The following RBFOX1 variants were observed in gnomAD, a reference collection of about 807,000 sequenced individuals.
RBFOX1 encodes the protein RNA binding fox-1 homolog 1.
In RBFOX1, 8 loss-of-function variants were observed where a neutral mutation model predicts 57.7. The ratio of observed to expected loss-of-function variants is 0.14; its 90% confidence interval spans 0.08 to 0.25. RBFOX1 has a LOEUF of 0.25. Ranked by LOEUF, RBFOX1 falls within the 10% of genes least tolerant of loss-of-function variation. The pLI is 1.00. For synonymous variants in RBFOX1, 326 were observed against 222.4 expected (o/e 1.47, Z -4.15); for missense variants, 611 against 548.5 (o/e 1.11, Z -1.14).
chr16:6,946,856 G>C (rs1366573840), intron 3 of RBFOX1, among the ~76,000 whole-genome samples: 1 of 152,108 alleles, frequency 6.6e-6, no homozygotes, highest in Non-Finnish European at 1.5e-5. Context: ...CAATCCTCCT[G>C]CCTTGGCCTC....
intron 1 of RBFOX1, among the ~76,000 whole-genome samples, chr16:6,021,034 C>T (rs147883255): frequency 1.1e-3 from 160 of 152,278 alleles, no homozygotes; most frequent in African/African-American, 3.5e-3. Flanking sequence ...ATCTGGGGTG[C>T]GGCTACTGAA....
chr16:5,337,316 C>T (rs1226967948), intron 1 of RBFOX1, among the ~76,000 whole-genome samples: 1 of 152,132 alleles, frequency 6.6e-6, no homozygotes, highest in African/African-American at 2.4e-5. Flanking sequence ...GTGAGTTTTC[C>T]CAAAGACCGC....
At chr16:7,702,187 TTG>T (rs1288985096) in intron 14 of RBFOX1, among the ~76,000 whole-genome samples, 15 of 152,188 alleles carry the variant, frequency 9.9e-5, no homozygotes, top group African/African-American at 3.6e-4. Flanking sequence ...GAGATTTTGG[TTG>T]TGTGGTAAAT....
chr16:5,382,540 C>G (rs1013708481), intron 1 of RBFOX1, among the ~76,000 whole-genome samples: 1 of 152,096 alleles, frequency 6.6e-6, no homozygotes, highest in Non-Finnish European at 1.5e-5. Flanking sequence ...GATTTGCAAA[C>G]AGGACTCACC....
intron 3 of RBFOX1, among the ~76,000 whole-genome samples, chr16:7,014,374 G>T (rs2093800435): frequency 6.6e-6 from 1 of 151,068 alleles, no homozygotes; most frequent in African/African-American, 2.5e-5. Context: ...CACCACGCCT[G>T]GCTTTTTTTT....
Position 6,871,026 on chromosome 16 carries a change from A to G in RBFOX1, c.-15-181031A>G, listed in dbSNP as rs111492102. On this transcript the variant is annotated intron_variant, in intron 3 of 15. Coordinates refer to ENST00000550418, the MANE Select transcript of RBFOX1 (RefSeq NM_018723.4). ...AACAGATGCTCATTAAATATTGGAA[A>G]GCAAATGAAGTCATAAATGCGTATA... Among the ~76,000 whole-genome samples, 1,034 of 152,378 alleles carry G rather than the reference A, an allele frequency of 6.8e-3. 12 individuals are homozygous for G. The highest frequency in any genetic ancestry group is 0.024 in the African/African-American group (989 of 41,594).
At chr16:6,900,883 G>A (rs1170229130) in intron 3 of RBFOX1, among the ~76,000 whole-genome samples, 1 of 152,128 alleles carries the variant, frequency 6.6e-6, no homozygotes, top group African/African-American at 2.4e-5. Flanking sequence ...AGCTACATAT[G>A]TCTTGTGAAC....
chr16:7,529,183 C>T (rs2079393079), intron 5 of RBFOX1, among the ~76,000 whole-genome samples: 1 of 152,216 alleles, frequency 6.6e-6, no homozygotes, highest in Middle Eastern at 3.4e-3. Flanking sequence ...ATTGCTTGAA[C>T]CTGGGAGGCG....
intron 2 of RBFOX1, among the ~76,000 whole-genome samples, chr16:6,602,264 G>C (rs894610942): frequency 6.6e-6 from 1 of 152,094 alleles, no homozygotes; most frequent in South Asian, 2.1e-4. Context: ...CTCCCATTCA[G>C]TGGGTTGCCT....
At chr16:6,750,245 A>C (rs1264891463) in intron 3 of RBFOX1, among the ~76,000 whole-genome samples, 1 of 152,180 alleles carries the variant, frequency 6.6e-6, no homozygotes, top group African/African-American at 2.4e-5. Flanking sequence ...GTTAAAGGTA[A>C]ATTCATCAAT....
At chr16:7,336,212 C>G (rs545770788) in intron 4 of RBFOX1, among the ~76,000 whole-genome samples, 1 of 152,294 alleles carries the variant, frequency 6.6e-6, no homozygotes, top group South Asian at 2.1e-4. Flanking sequence ...AAGCCATGGA[C>G]CATGGCCAAA....
At chr16:5,380,682 C>G (rs556348658) in intron 1 of RBFOX1, among the ~76,000 whole-genome samples, 1 of 152,184 alleles carries the variant, frequency 6.6e-6, no homozygotes, top group Non-Finnish European at 1.5e-5. Context: ...GATGAGGAAA[C>G]TGAGTCACAG....
At chr16:6,767,945 AATAAGAAG>A (rs1328543053) in intron 3 of RBFOX1, among the ~76,000 whole-genome samples, 32 of 76,918 alleles carry the variant, frequency 4.2e-4, no homozygotes, top group Admixed American at 5.4e-4. Flanking sequence ...TAATAATAAT[AATAAGAAG>A]AAGAAGAAGA....
chr16:6,695,168 C>G (rs533781465), intron 3 of RBFOX1, among the ~76,000 whole-genome samples: 7 of 152,000 alleles, frequency 4.6e-5, no homozygotes, highest in South Asian at 4.2e-4. Context: ...GCCTGAAATC[C>G]CAGCACTTTG....
chr16:6,543,391 C>G (rs1324638538), intron 2 of RBFOX1, among the ~76,000 whole-genome samples: 1 of 152,110 alleles, frequency 6.6e-6, no homozygotes, highest in Non-Finnish European at 1.5e-5. Context: ...AAGACTTCCA[C>G]TGAGACTCTG....
chr16:5,712,774 T>G (rs1269578702), intron 3 of RBFOX1, among the ~76,000 whole-genome samples: 1 of 152,192 alleles, frequency 6.6e-6, no homozygotes, highest in African/African-American at 2.4e-5. Context: ...TGAAGAAATT[T>G]CCTGGCTCCC....
At chr16:7,607,992 T>C (rs2056680504) in intron 10 of RBFOX1, among the ~76,000 whole-genome samples, 1 of 152,194 alleles carries the variant, frequency 6.6e-6, no homozygotes, top group Admixed American at 6.5e-5. Flanking sequence ...GAAGCAGTAG[T>C]GGCTGAGATT....
rs966600830 is a variant in RBFOX1 at position 5,867,312 on chromosome 16, A to T, written c.328A>T (p.Ser110Cys). ...TTTGTTTAACTTGCAGGTTTCGGCA[A>T]GTCAGGCTACAGGCAAAGCTGAGGT... The change falls in exon 4 of 20, where the codon AGT becomes TGT. Residue 110 changes from serine (S) to cysteine (C), a missense_variant. Coordinates refer to the RBFOX1 transcript ENST00000641259. 5 of 1,210,902 alleles carry T rather than the reference A, an allele frequency of 4.1e-6. No homozygotes were observed. The East Asian group carries it at 1.3e-4, about 31-fold the overall frequency. 75.0% of individuals were successfully genotyped at this position (1,210,902 alleles called of 1,614,324 possible). A position where few individuals can be genotyped will look rare whatever the true frequency, so the allele number is the denominator to read the frequency against.
In RBFOX1 at chr16:5,511,852, G is replaced by A. The variant is rs553880489; in HGVS notation, c.258+44598G>A. ...GGGAGACCAGAAGGGTGACTGAGTT[G>A]TCACTCCCCAGCAGAGTTGAGTACA... is the stretch of plus-strand genomic sequence containing the variant. On this transcript the variant is annotated intron_variant, in intron 2 of 2. Transcript: ENST00000585867. 4.6e-5 allele frequency among the ~76,000 whole-genome samples: 7 copies of A among 152,322 alleles called. No individual in the cohort carries two copies. The East Asian group carries it at 7.7e-4, about 17-fold the overall frequency.
Sources: gnomAD v4.1 joint callset for allele counts (sites outside exome capture counted in the v4.1 genomes callset) on GRCh38, gnomAD v4.1.1 for gene constraint, MANE v1.5 for transcripts, NCBI Gene and HGNC (gene_info 2026-07-23, HGNC 2026-07-21) for gene names.